Variants in EGFLAM observed in about 807,000 individuals in gnomAD.
EGFLAM encodes the protein EGF like, fibronectin type III and laminin G domains.
A neutral mutation model predicts 113.1 loss-of-function variants in EGFLAM; 79 were observed. That is an observed-to-expected ratio of 0.70 (90% CI 0.58 to 0.84). EGFLAM has a LOEUF of 0.84. EGFLAM is among the 40% of genes least tolerant of loss of function. The pLI is 0.00. For missense variants in EGFLAM, 1,265 were observed against 1,291.6 expected (o/e 0.98, Z 0.32); for synonymous variants, 504 against 487.6 (o/e 1.03, Z -0.44).
At chr5:38,355,920 C>T (rs1481632351) in intron 5 of EGFLAM, among the ~76,000 whole-genome samples, 2 of 152,240 alleles carry the variant, frequency 1.3e-5, no homozygotes, top group South Asian at 4.2e-4. Flanking sequence ...ACCACGATGC[C>T]TGGCTAATTT....
In EGFLAM at chr5:38,443,526, C is replaced by G. The variant is rs139653368; in HGVS notation, c.2465-4775C>G. The stretch of plus-strand genomic sequence containing the variant: ...TTGTTTGTTTTTCCTTTGTGGCTAC[C>G]GTCAGCATACTATAATAAAGATCTC... On this transcript the variant is annotated intron_variant, in intron 17 of 21. Coordinates refer to ENST00000322350, the MANE Select transcript of EGFLAM (RefSeq NM_152403.4). 2.8e-3 allele frequency among the ~76,000 whole-genome samples: 431 copies of G among 152,208 alleles called. 1 individual carries two copies. The highest frequency in any genetic ancestry group is 4.8e-3 in the Non-Finnish European group (325 of 68,020).
chr5:38,404,364 G>C (rs944271221), intron 6 of EGFLAM, among the ~76,000 whole-genome samples: 4 of 152,190 alleles, frequency 2.6e-5, no homozygotes, highest in African/African-American at 7.2e-5. Flanking sequence ...GGGCTGGTTT[G>C]CCCTTTCCAC....
chr5:38,394,393 T>C (rs1430727054), intron 6 of EGFLAM, among the ~76,000 whole-genome samples: 1 of 151,128 alleles, frequency 6.6e-6, no homozygotes, highest in East Asian at 1.9e-4. Context: ...ATTTTTGTTC[T>C]ATCTTGTTTA....
chr5:38,374,200 C>T (rs1740304047), intron 6 of EGFLAM, among the ~76,000 whole-genome samples: 1 of 152,274 alleles, frequency 6.6e-6, no homozygotes, highest in African/African-American at 2.4e-5. Context: ...ATGCTGTAAC[C>T]ACCCAACAGT....
chr5:38,390,046 G>C (rs970969501), intron 6 of EGFLAM, among the ~76,000 whole-genome samples: 48 of 152,034 alleles, frequency 3.2e-4, no homozygotes, highest in Non-Finnish European at 2.5e-4. Context: ...AATCTTAATA[G>C]GTGCCACATT....
At chr5:38,356,138 C>G (rs1051359766) in intron 5 of EGFLAM, among the ~76,000 whole-genome samples, 1 of 152,154 alleles carries the variant, frequency 6.6e-6, no homozygotes, top group Non-Finnish European at 1.5e-5. Context: ...GACAAAATAC[C>G]TTCACAGTGT....
At chr5:38,260,738 C>T (rs1270242661) in intron 1 of EGFLAM, among the ~76,000 whole-genome samples, 1 of 152,194 alleles carries the variant, frequency 6.6e-6, no homozygotes, top group Admixed American at 6.5e-5. Flanking sequence ...GAAAGCTTCT[C>T]AGATTAAAAT....
chr5:38,385,220 C>T (rs982073691), intron 6 of EGFLAM, among the ~76,000 whole-genome samples: 1 of 150,464 alleles, frequency 6.6e-6, no homozygotes, highest in African/African-American at 2.4e-5. Context: ...TACACACAAA[C>T]ATAAACAGTC....
intron 17 of EGFLAM, among the ~76,000 whole-genome samples, chr5:38,444,215 A>T (rs1307580067): frequency 6.6e-6 from 1 of 152,206 alleles, no homozygotes; most frequent in Non-Finnish European, 1.5e-5. Flanking sequence ...TTTTAGATAT[A>T]AATGTAAGAA....
intron 13 of EGFLAM, among the ~76,000 whole-genome samples, chr5:38,426,189 C>T (rs1349216871): frequency 6.6e-6 from 1 of 151,798 alleles, no homozygotes; most frequent in Non-Finnish European, 1.5e-5. Context: ...TACTGTTCTA[C>T]TAAATTATGC....
intron 1 of EGFLAM, among the ~76,000 whole-genome samples, chr5:38,307,971 T>C (rs1331042722): frequency 6.6e-6 from 1 of 152,178 alleles, no homozygotes; most frequent in Non-Finnish European, 1.5e-5. Flanking sequence ...TGGGTCTCAG[T>C]TTGTTTCAGT....
intron 1 of EGFLAM, among the ~76,000 whole-genome samples, chr5:38,310,747 G>GATATAGAT (rs1435531694): frequency 6.6e-6 from 1 of 152,144 alleles, no homozygotes; most frequent in Non-Finnish European, 1.5e-5. Context: ...CAGATGTAGT[G>GATATAGAT]ATATAGATCT....
intron 1 of EGFLAM, among the ~76,000 whole-genome samples, chr5:38,261,981 G>A (rs936574318): frequency 2.0e-5 from 3 of 152,214 alleles, no homozygotes; most frequent in Non-Finnish European, 4.4e-5. Flanking sequence ...GACCTTCACG[G>A]TGTGGACACA....
intron 1 of EGFLAM, among the ~76,000 whole-genome samples, chr5:38,268,229 T>G (rs1757680520): frequency 1.3e-5 from 2 of 152,198 alleles, no homozygotes; most frequent in Admixed American, 1.3e-4. Flanking sequence ...AAAATTTATT[T>G]TTTGGACTTA....
At chr5:38,298,888 A>G (rs928901934) in intron 1 of EGFLAM, among the ~76,000 whole-genome samples, 4 of 152,056 alleles carry the variant, frequency 2.6e-5, no homozygotes, top group African/African-American at 9.7e-5. Context: ...CTTTATAGAG[A>G]CAGGGTTTTA....
At chr5:38,355,390 ATG>A (rs1561291160) in intron 5 of EGFLAM, among the ~76,000 whole-genome samples, 1 of 152,166 alleles carries the variant, frequency 6.6e-6, no homozygotes, top group Non-Finnish European at 1.5e-5. Context: ...GGAGCACAGC[ATG>A]TGTCTGAGGT....
At chr5:38,381,523 G>A (rs1248484630) in intron 6 of EGFLAM, among the ~76,000 whole-genome samples, 2 of 152,160 alleles carry the variant, frequency 1.3e-5, no homozygotes, top group Admixed American at 6.6e-5. Flanking sequence ...CTCCTGGCAC[G>A]AAATAGAGGC....
At chr5:38,430,810 G>A (rs1230851875) in intron 14 of EGFLAM, among the ~76,000 whole-genome samples, 5 of 152,146 alleles carry the variant, frequency 3.3e-5, no homozygotes, top group Admixed American at 2.6e-4. Flanking sequence ...CATGATGTCC[G>A]TTCCAGTCCA....
chr5:38,362,020 T>C (rs949937631), intron 5 of EGFLAM, among the ~76,000 whole-genome samples: 1 of 152,054 alleles, frequency 6.6e-6, no homozygotes, highest in Admixed American at 6.6e-5. Context: ...AATGAATCCT[T>C]TACCACCAAT....
Sources: gnomAD v4.1 joint callset for allele counts (sites outside exome capture counted in the v4.1 genomes callset) on GRCh38, gnomAD v4.1.1 for gene constraint, MANE v1.5 for transcripts, NCBI Gene and HGNC (gene_info 2026-07-23, HGNC 2026-07-21) for gene names.